MTCL3: variants seen among roughly 807,000 people sequenced by gnomAD.
MTCL3 encodes the protein microtubule cross-linking factor 3.
the MTCL3 span, among the ~76,000 whole-genome samples, chr6:127,499,171 G>C: frequency 6.6e-6 from 1 of 152,114 alleles, no homozygotes; most frequent in Non-Finnish European, 1.5e-5. Flanking sequence ...TTTGCTATGA[G>C]AAACAGAAGA....
the MTCL3 span, chr6:127,481,169 G>T: frequency 1.9e-6 from 1 of 530,904 alleles, no homozygotes; most frequent in Non-Finnish European, 2.4e-6. Context: ...GACTATGGTT[G>T]AAAAGAATAA....
the MTCL3 span, among the ~76,000 whole-genome samples, chr6:127,487,670 G>A: frequency 2.0e-5 from 3 of 152,136 alleles, no homozygotes; most frequent in Non-Finnish European, 4.4e-5. Flanking sequence ...TTCCCTAAAA[G>A]GGTGAGGCAG....
At chr6:127,507,721 T>C in the MTCL3 span, among the ~76,000 whole-genome samples, 3 of 151,708 alleles carry the variant, frequency 2.0e-5, no homozygotes, top group Admixed American at 2.0e-4. Flanking sequence ...CGTGTGCCAG[T>C]AGTCCCAGCT....
chr6:127,504,670 A>T, the MTCL3 span, among the ~76,000 whole-genome samples: 5 of 152,156 alleles, frequency 3.3e-5, no homozygotes, highest in Non-Finnish European at 5.9e-5. Context: ...GATTGAGGTT[A>T]ATTGAGGTCT....
At chr6:127,516,914 C>A in the MTCL3 span, among the ~76,000 whole-genome samples, 6 of 152,170 alleles carry the variant, frequency 3.9e-5, no homozygotes, top group East Asian at 5.8e-4. Flanking sequence ...AGCAAAATGA[C>A]GGATCTGAAA....
At chr6:127,475,273 C>A in the MTCL3 span, 1 of 1,564,780 alleles carries the variant, frequency 6.4e-7, no homozygotes. This position sits in a 1 kb window ranked among gnomAD's most constrained non-coding sequence, Gnocchi z 7.3. Flanking sequence ...CGCCGTGGCT[C>A]GCAATAGGCA....
At chr6:127,517,825 G>C in the MTCL3 span, 1 of 152,192 alleles carries the variant, frequency 6.6e-6, no homozygotes, top group African/African-American at 2.4e-5. Flanking sequence ...CAGGCAGCTA[G>C]TCAATTAGTT....
At chr6:127,474,072 C>G in the MTCL3 span, among the ~76,000 whole-genome samples, 4 of 152,112 alleles carry the variant, frequency 2.6e-5, no homozygotes, top group South Asian at 8.3e-4. Context: ...CGTATAGACT[C>G]CTTCCCCAGT....
chr6:127,485,561 G>C, the MTCL3 span, among the ~76,000 whole-genome samples: 1 of 152,146 alleles, frequency 6.6e-6, no homozygotes, highest in Non-Finnish European at 1.5e-5. Context: ...AGTACAAATC[G>C]CTGTGAGATA....
chr6:127,479,574 C>G, the MTCL3 span, among the ~76,000 whole-genome samples: 17 of 152,200 alleles, frequency 1.1e-4, no homozygotes, highest in Middle Eastern at 3.4e-3. Context: ...TAACACTTCA[C>G]TGGGTTATAT....
At chr6:127,478,283 C>T in the MTCL3 span, among the ~76,000 whole-genome samples, 1 of 152,142 alleles carries the variant, frequency 6.6e-6, no homozygotes, top group South Asian at 2.1e-4. Context: ...AGGAGCATTC[C>T]ATTTAGATCG....
At chr6:127,487,073 A>G in the MTCL3 span, among the ~76,000 whole-genome samples, 8 of 152,154 alleles carry the variant, frequency 5.3e-5, no homozygotes, top group African/African-American at 1.9e-4. Context: ...AGCACTTTAT[A>G]TGTATCTACT....
At chr6:127,512,115 C>A in the MTCL3 span, among the ~76,000 whole-genome samples, 2 of 152,110 alleles carry the variant, frequency 1.3e-5, no homozygotes, top group East Asian at 1.9e-4. Context: ...TAAAGCTAAT[C>A]ATTTCTTGAT....
the MTCL3 span, among the ~76,000 whole-genome samples, chr6:127,479,939 T>C: frequency 6.6e-6 from 1 of 152,170 alleles, no homozygotes; most frequent in Admixed American, 6.5e-5. Flanking sequence ...GTATGCAAAG[T>C]GCCTGGTCCA....
chr6:127,495,767 A>C, the MTCL3 span, among the ~76,000 whole-genome samples: 1 of 152,262 alleles, frequency 6.6e-6, no homozygotes, highest in African/African-American at 2.4e-5. Flanking sequence ...TAAATGTGAT[A>C]GCCCACAATT....
chr6:127,491,704 C>G, the MTCL3 span, among the ~76,000 whole-genome samples: 4 of 151,664 alleles, frequency 2.6e-5, no homozygotes, highest in Admixed American at 2.0e-4. Flanking sequence ...GACTTTATCT[C>G]TACAAAAATT....
chr6:127,505,065 G>A, the MTCL3 span, among the ~76,000 whole-genome samples: 1 of 152,118 alleles, frequency 6.6e-6, no homozygotes, highest in Non-Finnish European at 1.5e-5. Flanking sequence ...TTATCACATG[G>A]TCTTTGTAGC....
At chr6:127,514,835 C>T in the MTCL3 span, 2 of 1,612,222 alleles carry the variant, frequency 1.2e-6, no homozygotes, top group South Asian at 2.2e-5. Context: ...TGAGGTCCTG[C>T]TCCAGGCTGC....
chr6:127,474,227 C>A, the MTCL3 span, among the ~76,000 whole-genome samples: 1 of 151,818 alleles, frequency 6.6e-6, no homozygotes, highest in Non-Finnish European at 1.5e-5. Context: ...CTCTTTACCA[C>A]TGGTTTCTAC....
Sources: allele counts gnomAD v4.1 joint callset (sites outside exome capture counted in the v4.1 genomes callset), GRCh38; gene constraint gnomAD v4.1.1; non-coding constraint Gnocchi (gnomAD v3.1); transcripts MANE v1.5; gene names NCBI Gene and HGNC (gene_info 2026-07-23, HGNC 2026-07-21).